DCHS2: variants seen among roughly 807,000 people sequenced by gnomAD.
DCHS2 encodes the protein dachsous cadherin-related 2, also known as protocadherin-23.
In DCHS2, 142 loss-of-function variants were observed where a neutral mutation model predicts 182.4. The observed-to-expected ratio is 0.78, with a 90% CI of 0.68 to 0.89. The LOEUF (loss-of-function observed/expected upper bound fraction) is 0.89. Ranked by LOEUF, DCHS2 falls within the 40% of genes least tolerant of loss-of-function variation. DCHS2 has a pLI of 0.00. For synonymous variants in DCHS2, 1,740 were observed against 1,663.3 expected, an observed-to-expected ratio of 1.05 and a Z score of -1.12; for missense variants, 4,319 against 4,198.6, an observed-to-expected ratio of 1.03 and a Z score of -0.79.
intron 1 of DCHS2, among the ~76,000 whole-genome samples, chr4:154,467,530 G>A (rs1735287414): frequency 6.6e-6 from 1 of 152,074 alleles, no homozygotes; most frequent in South Asian, 2.1e-4. Context: ...TTCAAAAGAA[G>A]CATTAGCCAA....
At chr4:154,461,467 C>T (rs982555969) in intron 1 of DCHS2, among the ~76,000 whole-genome samples, 1 of 151,882 alleles carries the variant, frequency 6.6e-6, no homozygotes, top group Admixed American at 6.6e-5. Context: ...TATTTATCTA[C>T]CCTTTAAAAG....
chr4:154,371,774 C>A (rs1285461763), intron 2 of DCHS2, among the ~76,000 whole-genome samples: 1 of 152,018 alleles, frequency 6.6e-6, no homozygotes, highest in East Asian at 1.9e-4. Context: ...AAGGCGGAGG[C>A]AGAGGGGTGT....
At chr4:154,300,811 G>A (rs1735169694) in intron 12 of DCHS2, among the ~76,000 whole-genome samples, 1 of 152,166 alleles carries the variant, frequency 6.6e-6, no homozygotes, top group South Asian at 2.1e-4. Context: ...TGCAGGAAGT[G>A]AACACATTGC....
chr4:154,408,020 T>C (rs937957963), intron 1 of DCHS2, among the ~76,000 whole-genome samples: 1 of 148,416 alleles, frequency 6.7e-6, no homozygotes, highest in Non-Finnish European at 1.5e-5. Context: ...GCCCATGTCA[T>C]GGAAAGTTTC....
At chr4:154,444,647 C>T (rs1734191455) in intron 1 of DCHS2, among the ~76,000 whole-genome samples, 1 of 152,322 alleles carries the variant, frequency 6.6e-6, no homozygotes, top group South Asian at 2.1e-4. Context: ...ACCACCCTCA[C>T]AACACCATCC....
intron 1 of DCHS2, among the ~76,000 whole-genome samples, chr4:154,445,368 G>C (rs186096423): frequency 1.3e-5 from 2 of 152,320 alleles, no homozygotes; most frequent in Non-Finnish European, 2.9e-5. Flanking sequence ...TAACAAAGGA[G>C]GCAATTTCCC....
intron 1 of DCHS2, among the ~76,000 whole-genome samples, chr4:154,418,604 G>C (rs768132112): frequency 3.9e-5 from 6 of 152,074 alleles, no homozygotes; most frequent in Non-Finnish European, 8.8e-5. Context: ...AATGCCAGTT[G>C]TTCTCCCCTT....
chr4:154,290,644 G>A (rs1455900839), intron 13 of DCHS2, among the ~76,000 whole-genome samples: 2 of 151,936 alleles, frequency 1.3e-5, no homozygotes, highest in East Asian at 3.8e-4. Context: ...GACATCTACA[G>A]TGAACTCATT....
chr4:154,258,017 C>G (rs558863470), intron 15 of DCHS2, among the ~76,000 whole-genome samples: 2 of 152,340 alleles, frequency 1.3e-5, no homozygotes, highest in African/African-American at 2.4e-5. Flanking sequence ...GTGTGGGGAT[C>G]CTCTTGTGAC....
intron 1 of DCHS2, among the ~76,000 whole-genome samples, chr4:154,446,155 T>C (rs1048461032): frequency 2.0e-5 from 3 of 152,204 alleles, no homozygotes; most frequent in Non-Finnish European, 4.4e-5. Flanking sequence ...CAATAAGATT[T>C]CTCAGGAAAT....
At chr4:154,409,100 G>A (rs563894803) in intron 1 of DCHS2, among the ~76,000 whole-genome samples, 21 of 152,242 alleles carry the variant, frequency 1.4e-4, no homozygotes, top group East Asian at 9.7e-4. Flanking sequence ...TAGAGAAACC[G>A]AGCATTGGCT....
intron 3 of DCHS2, among the ~76,000 whole-genome samples, chr4:154,361,923 G>A (rs1296636939): frequency 1.3e-5 from 2 of 152,034 alleles, no homozygotes; most frequent in Non-Finnish European, 2.9e-5. Flanking sequence ...AAAATAGCAT[G>A]TCTGATAAAG....
chr4:154,409,320 C>G (rs546683744), intron 1 of DCHS2, among the ~76,000 whole-genome samples: 2 of 152,260 alleles, frequency 1.3e-5, no homozygotes, highest in Non-Finnish European at 2.9e-5. Context: ...ACTGCCATGT[C>G]CCATCATCCC....
chr4:154,252,369 G>A (rs914801979), intron 16 of DCHS2, among the ~76,000 whole-genome samples: 13 of 152,116 alleles, frequency 8.5e-5, no homozygotes, highest in South Asian at 2.1e-4. Flanking sequence ...ATTTTTAAAC[G>A]TATAATTAAA....
chr4:154,237,778 T>A (rs1480059146), intron 19 of DCHS2, among the ~76,000 whole-genome samples: 4 of 152,184 alleles, frequency 2.6e-5, no homozygotes, highest in South Asian at 4.1e-4. Context: ...AAATATGTCT[T>A]AAGGATGGTC....
intron 14 of DCHS2, among the ~76,000 whole-genome samples, chr4:154,263,151 AG>A (rs1733066157): frequency 6.6e-6 from 1 of 152,162 alleles, no homozygotes; most frequent in African/African-American, 2.4e-5. Context: ...TATACATATC[AG>A]TCTCACATTT....
At chr4:154,273,053 C>G (rs546452126) in intron 13 of DCHS2, among the ~76,000 whole-genome samples, 2 of 152,202 alleles carry the variant, frequency 1.3e-5, no homozygotes, top group Admixed American at 6.5e-5. Flanking sequence ...CCTTAAAGAA[C>G]TAAAAGTAGA....
chr4:154,304,064 T>G (rs970269691), intron 12 of DCHS2, among the ~76,000 whole-genome samples: 3 of 151,674 alleles, frequency 2.0e-5, no homozygotes, highest in East Asian at 1.9e-4. Context: ...TTACTTTACT[T>G]TTAAAAACAA....
chr4:154,455,962 T>C (rs927861692), intron 1 of DCHS2, among the ~76,000 whole-genome samples: 13 of 152,160 alleles, frequency 8.5e-5, no homozygotes, highest in Non-Finnish European at 1.5e-4. Flanking sequence ...TGGTGGCACA[T>C]GCCTGTAATC....
Sources: gnomAD v4.1 joint callset for allele counts (sites outside exome capture counted in the v4.1 genomes callset) on GRCh38, gnomAD v4.1.1 for gene constraint, MANE v1.5 for transcripts, NCBI Gene and HGNC (gene_info 2026-07-23, HGNC 2026-07-21) for gene names.